NT5C2: variants seen among roughly 807,000 people sequenced by gnomAD.
NT5C2 encodes the protein 5'-nucleotidase, cytosolic II.
Under a neutral mutation model 76.1 loss-of-function variants are expected in NT5C2, and 58 were observed. The observed-to-expected ratio is 0.76, with a 90% CI of 0.62 to 0.95. The LOEUF (loss-of-function observed/expected upper bound fraction) is 0.95, where lower values mean the gene tolerates loss of function less well. Among genes scored for constraint, NT5C2 ranks in the 40% least tolerant of loss-of-function variants. The pLI, the probability that NT5C2 is intolerant of heterozygous loss-of-function variation, is 0.00. For synonymous variants in NT5C2, 229 were observed against 237.4 expected, an observed-to-expected ratio of 0.96 and a Z score of 0.32; for missense variants, 478 against 690.3, an observed-to-expected ratio of 0.69 and a Z score of 3.45.
At chr10:103,122,598 A>G (rs1355930255) in intron 4 of NT5C2, among the ~76,000 whole-genome samples, 1 of 152,220 alleles carries the variant, frequency 6.6e-6, no homozygotes. Flanking sequence ...ATACCTGGGC[A>G]TTTGAGAAAA....
At chr10:103,175,079 TG>T (rs2089482925) in intron 2 of NT5C2, 97 bp from the exon 3 acceptor site, 1 of 665,724 alleles carries the variant, frequency 1.5e-6, no homozygotes, top group Non-Finnish European at 2.6e-6. Context: ...GCTTGCAAAC[TG>T]CCTAATATAA....
chr10:103,098,703 A>G (rs1373359460), intron 10 of NT5C2: 5 of 483,348 alleles, frequency 1.0e-5, no homozygotes, highest in Non-Finnish European at 1.8e-5. Context: ...CTTGCCTATC[A>G]AGAAACAGGA....
chr10:103,129,529 G>A (rs1591226604), intron 4 of NT5C2, among the ~76,000 whole-genome samples: 2 of 128,846 alleles, frequency 1.6e-5, no homozygotes, highest in East Asian at 2.5e-4. Context: ...GGAGGTGGGG[G>A]GGTCAGCCCC....
intron 3 of NT5C2, among the ~76,000 whole-genome samples, chr10:103,166,769 C>T (rs1203577702): frequency 6.6e-6 from 1 of 152,090 alleles, no homozygotes; most frequent in Non-Finnish European, 1.5e-5. Flanking sequence ...CTTCCTGCCC[C>T]AGCCTCCCCA....
chr10:103,163,663 G>A (rs977823115), intron 3 of NT5C2, among the ~76,000 whole-genome samples: 3 of 149,570 alleles, frequency 2.0e-5, no homozygotes, highest in Non-Finnish European at 4.4e-5. Flanking sequence ...GTCCTTTATC[G>A]AATTTTTTTC....
intron 3 of NT5C2, among the ~76,000 whole-genome samples, chr10:103,170,520 T>A (rs991491449): frequency 6.9e-6 from 1 of 144,232 alleles, no homozygotes; most frequent in Non-Finnish European, 1.5e-5. Context: ...CACACACACA[T>A]GCACACTTTT....
chr10:103,162,913 C>A, intron 3 of NT5C2, among the ~76,000 whole-genome samples: 1 of 152,116 alleles, frequency 6.6e-6, no homozygotes, highest in Admixed American at 6.5e-5. Flanking sequence ...AGTTCCATCA[C>A]CCCAAAAAAC....
At chr10:103,174,674 G>A (rs2089366107) in intron 3 of NT5C2, among the ~76,000 whole-genome samples, 184 bp downstream of exon 3, 1 of 152,188 alleles carries the variant, frequency 6.6e-6, no homozygotes, top group Non-Finnish European at 1.5e-5. Flanking sequence ...TTTACTAGTA[G>A]ATACACAAAG....
At chr10:103,167,159 GCA>G (rs2086615896) in intron 3 of NT5C2, among the ~76,000 whole-genome samples, 2 of 151,952 alleles carry the variant, frequency 1.3e-5, no homozygotes, top group African/African-American at 4.8e-5. Context: ...GGGATTACAG[GCA>G]CCCGCCACCA....
At position 103,127,406 on chromosome 10, in the gene NT5C2, T is replaced by C. The variant is rs141145049; in HGVS notation, c.175+12000A>G. On this transcript the variant is annotated intron_variant, in intron 4 of 18. Transcript: ENST00000404739. ...ACCGATACACAGCTGGCTTCAATTATGGGGATAATTGGTGATAAAGGAATC... is the reference window on the plus strand; with the variant it reads ...ACCGATACACAGCTGGCTTCAATTACGGGGATAATTGGTGATAAAGGAATC... Among the ~76,000 whole-genome samples, 18 of 152,328 alleles carry C rather than the reference T, an allele frequency of 1.2e-4. No individual in the cohort carries two copies. In the East Asian group the frequency reaches 3.3e-3, roughly 28 times the overall value.
At chr10:103,153,853 G>T in intron 3 of NT5C2, 2 of 897,170 alleles carry the variant, frequency 2.2e-6, no homozygotes, top group Non-Finnish European at 2.7e-6. Flanking sequence ...AAGGAAGTAT[G>T]TGCAGATCAT....
intron 3 of NT5C2, among the ~76,000 whole-genome samples, chr10:103,162,863 G>T (rs1354345751): frequency 6.6e-6 from 1 of 151,860 alleles, no homozygotes; most frequent in East Asian, 1.9e-4. Context: ...ACATTTCTAT[G>T]AATCCTAACT....
chr10:103,109,862 A>C (rs1003223117), intron 4 of NT5C2, among the ~76,000 whole-genome samples: 1 of 152,240 alleles, frequency 6.6e-6, no homozygotes, highest in Non-Finnish European at 1.5e-5. Context: ...AAAAAGTCTC[A>C]AATCCCCATT....
chr10:103,107,872 C>A (rs1054877255), intron 4 of NT5C2, among the ~76,000 whole-genome samples: 1 of 151,332 alleles, frequency 6.6e-6, no homozygotes, highest in Admixed American at 6.6e-5. Flanking sequence ...GAAAATGTTG[C>A]GGCCAGGTGC....
intron 2 of NT5C2, among the ~76,000 whole-genome samples, chr10:103,177,492 G>A (rs149803512): frequency 3.9e-4 from 59 of 152,064 alleles, no homozygotes; most frequent in African/African-American, 1.3e-3. Context: ...TGCTAACATC[G>A]TTTATGACAT....
At chr10:103,140,813 T>TA (rs1179326281) in intron 3 of NT5C2, among the ~76,000 whole-genome samples, 1 of 152,254 alleles carries the variant, frequency 6.6e-6, no homozygotes, top group Non-Finnish European at 1.5e-5. Context: ...AAATACCTGT[T>TA]AGCCATTTGC....
intron 3 of NT5C2, among the ~76,000 whole-genome samples, chr10:103,162,061 G>A (rs1176285039): frequency 2.0e-5 from 3 of 152,066 alleles, no homozygotes; most frequent in Admixed American, 6.6e-5. Context: ...CTGTTGCCAG[G>A]CTGGAGTGCA....
At chr10:103,148,122 A>C (rs1032344240) in intron 3 of NT5C2, among the ~76,000 whole-genome samples, 3 of 152,250 alleles carry the variant, frequency 2.0e-5, no homozygotes, top group Non-Finnish European at 2.9e-5. Flanking sequence ...TTAAAAATTC[A>C]AAGCTCAAAT....
At chr10:103,131,701 G>T (rs755398288) in intron 4 of NT5C2, among the ~76,000 whole-genome samples, 2 of 151,942 alleles carry the variant, frequency 1.3e-5, no homozygotes, top group African/African-American at 4.8e-5. Flanking sequence ...CAGGTAGATC[G>T]CTTGAGCCCA....
Sources: allele counts gnomAD v4.1 joint callset (sites outside exome capture counted in the v4.1 genomes callset), GRCh38; gene constraint gnomAD v4.1.1; transcripts MANE v1.5; gene names NCBI Gene and HGNC (gene_info 2026-07-23, HGNC 2026-07-21).